MFSD6: variants seen among roughly 807,000 people sequenced by gnomAD.
The protein encoded by MFSD6 is major facilitator superfamily domain-containing protein 6.
In MFSD6, 26 loss-of-function variants were observed where a neutral mutation model predicts 56.3. The ratio of observed to expected loss-of-function variants is 0.46; its 90% CI spans 0.34 to 0.64. The LOEUF is 0.64. Among genes scored for constraint, MFSD6 ranks in the 30% least tolerant of loss-of-function variants. The pLI is 0.01. For synonymous variants in MFSD6, 331 were observed against 366.9 expected (o/e 0.90, Z 1.12); for missense variants, 750 against 986.2 (o/e 0.76, Z 3.21).
intron 2 of MFSD6, among the ~76,000 whole-genome samples, chr2:190,432,764 T>C (rs1575834888): frequency 6.6e-6 from 1 of 152,118 alleles, no homozygotes; most frequent in African/African-American, 2.4e-5. Context: ...TGCATTTGTT[T>C]GGGGTTTAGA....
chr2:190,444,631 A>G (rs1484748218), intron 3 of MFSD6, among the ~76,000 whole-genome samples: 2 of 152,190 alleles, frequency 1.3e-5, no homozygotes, highest in Non-Finnish European at 2.9e-5. Flanking sequence ...TTCATTTATT[A>G]TATAAAAACC....
chr2:190,496,997 A>G lies in MFSD6; in HGVS notation c.1892-442A>G, dbSNP rs1413468245. Reference sequence around the variant, plus strand: ...GGTGATGGTTGCACCAAAATCTCACAAATCACCATTAGAGAACTTACGTAA... The same window carrying G: ...GGTGATGGTTGCACCAAAATCTCACGAATCACCATTAGAGAACTTACGTAA... On this transcript the variant is annotated intron_variant, in intron 6 of 7. Coordinates refer to ENST00000392328, the MANE Select transcript of MFSD6 (RefSeq NM_017694.4). This position sits in a 1 kb window ranked among gnomAD's most constrained non-coding sequence, Gnocchi z 4.7. 6.6e-6 allele frequency among the ~76,000 whole-genome samples: 1 copy of G among 152,180 alleles called. No homozygotes were observed. The highest frequency in any genetic ancestry group is 2.4e-5 in the African/African-American group (1 of 41,436).
rs1282585315 is a variant in MFSD6, at chr2:190,424,821, C to T, written c.-54+9408C>T. Among the ~76,000 whole-genome samples the T allele has an allele frequency of 1.3e-5, 2 of 152,150 alleles. No individual in the cohort carries two copies. Among genetic ancestry groups the T allele is most frequent in the African/African-American group, 2.4e-5 (1 of 41,426 alleles). ...TGTCTGTCCTTCTGCTAATACCACA[C>T]GGTCTTAATGCACAGCTATATGATC... On this transcript the variant is annotated intron_variant, in intron 2 of 7. Transcript: ENST00000392328. The surrounding 1 kb of genome is among the most constrained non-coding windows in gnomAD (Gnocchi z 5.9).
At position 190,498,184 on chromosome 2, in the gene MFSD6, A is replaced by C. The variant is rs1180093823; in HGVS notation, c.2172+465A>C. 6.6e-6 allele frequency among the ~76,000 whole-genome samples: 1 copy of C among 152,204 alleles called. No individual in the cohort carries two copies. The highest frequency in any genetic ancestry group is 6.5e-5 in the Admixed American group (1 of 15,286). On this transcript the variant is annotated intron_variant, in intron 7 of 7. Transcript: ENST00000392328. The surrounding 1 kb of genome is among the most constrained non-coding windows in gnomAD (Gnocchi z 5.9). ...GGTTATGCAGGTGGCCTCACCTGAAAAATAAGTCTAAAAGTGTGATTTTTC... is the reference window on the plus strand; with the variant it reads ...GGTTATGCAGGTGGCCTCACCTGAACAATAAGTCTAAAAGTGTGATTTTTC...
intron 4 of MFSD6, among the ~76,000 whole-genome samples, chr2:190,484,051 A>G (rs1358666587): frequency 1.3e-5 from 2 of 152,140 alleles, no homozygotes; most frequent in African/African-American, 2.4e-5. Context: ...TATGTGGACT[A>G]CTTGGTCTCT....
intron 4 of MFSD6, among the ~76,000 whole-genome samples, chr2:190,475,712 T>G (rs1688263347): frequency 6.6e-6 from 1 of 152,166 alleles, no homozygotes; most frequent in Non-Finnish European, 1.5e-5. Context: ...AAAAAACTAC[T>G]TTAAAGTTCA....
chr2:190,474,606 G>C (rs1243995497), intron 4 of MFSD6, among the ~76,000 whole-genome samples: 2 of 152,176 alleles, frequency 1.3e-5, no homozygotes, highest in African/African-American at 4.8e-5. Context: ...TCCAGGACCA[G>C]ATGGATTCAC....
At chr2:190,482,868 CTTTTTTTTTTTTTTTTTTTTTTTTTTTTT>C (rs199927176) in intron 4 of MFSD6, among the ~76,000 whole-genome samples, 1 of 48,292 alleles carries the variant, frequency 2.1e-5, no homozygotes, top group Non-Finnish European at 3.8e-5. Context: ...AGACTATCAT[CTTTTTTTTTTTTTTTTTTTTTTTTTTTTT>C]TTTTTTAGAC....
rs565073799 is a variant in MFSD6, at chr2:190,459,482, G to A, written c.1533-10276G>A. ...TTTTAAACAAAATTGTAGGGGGTGT[G>A]TGTGTGAATATGTTCAGTCATTTGA... On this transcript the variant is annotated intron_variant, in intron 3 of 7. Transcript: ENST00000392328. The surrounding 1 kb of genome is among the most constrained non-coding windows in gnomAD (Gnocchi z 5.3). 1.3e-5 allele frequency among the ~76,000 whole-genome samples: 2 copies of A among 152,300 alleles called. No homozygotes were observed. The highest frequency in any genetic ancestry group is 6.5e-5 in the Admixed American group (1 of 15,300).
At position 190,497,387 on chromosome 2, in the gene MFSD6, C is replaced by A; in HGVS notation, c.1892-52C>A. ...TTATTTATTTATTTTTACCTTTGTTCAAATATGTAGAAAATGCTGAAAAAA... is the reference window on the plus strand; with the variant it reads ...TTATTTATTTATTTTTACCTTTGTTAAAATATGTAGAAAATGCTGAAAAAA... On this transcript the variant is annotated intron_variant, in intron 6 of 7. Coordinates refer to ENST00000392328, the MANE Select transcript of MFSD6 (RefSeq NM_017694.4). The surrounding 1 kb of genome is among the most constrained non-coding windows in gnomAD (Gnocchi z 5.2). 4 of 1,573,640 alleles carry A rather than the reference C, an allele frequency of 2.5e-6. No individual in the cohort carries two copies. The South Asian group carries it at 3.4e-5, about 13-fold the overall frequency.
chr2:190,502,092 A>T lies in MFSD6; in HGVS notation c.*1874A>T, dbSNP rs1391698844. ...ACCATTTTTAAATGTTTCTTAAATGATAAAGATGTGACCAAACAAAAGTCC... is the reference window on the plus strand; with the variant it reads ...ACCATTTTTAAATGTTTCTTAAATGTTAAAGATGTGACCAAACAAAAGTCC... On this transcript the variant is annotated 3_prime_UTR_variant, in exon 8 of 8. Transcript: ENST00000392328. The surrounding 1 kb of genome is among the most constrained non-coding windows in gnomAD (Gnocchi z 4.4). The T allele has an allele frequency of 6.6e-6, 1 of 152,624 alleles. No homozygotes were observed. The highest frequency in any genetic ancestry group is 1.5e-5 in the Non-Finnish European group (1 of 68,044). 9.5% of individuals were successfully genotyped at this position (152,624 alleles called of 1,614,324 possible).
At chr2:190,478,285 C>T (rs1386197878) in intron 4 of MFSD6, among the ~76,000 whole-genome samples, 1 of 152,126 alleles carries the variant, frequency 6.6e-6, no homozygotes, top group African/African-American at 2.4e-5. Flanking sequence ...CAACAGAGGG[C>T]TCTGTGGCCA....
rs200659694 is a variant in MFSD6 at position 190,436,486 on chromosome 2, A to G, written c.457A>G (p.Lys153Glu). ...ATTCAACCTGGGCATTGGATTTGTCAAACCTGCTACCTTGAGATGTGTACC... is the reference window on the plus strand; with the variant it reads ...ATTCAACCTGGGCATTGGATTTGTCGAACCTGCTACCTTGAGATGTGTACC... ...VLFNLGIGFV[K>E]PATLRCVPKI... Residue 153 changes from lysine (K) to glutamate (E), a missense_variant, in exon 3 of 8, where the codon AAA (lysine) becomes GAA (glutamate). Coordinates refer to ENST00000392328, the MANE Select transcript of MFSD6 (RefSeq NM_017694.4). The surrounding 1 kb of genome is among the most constrained non-coding windows in gnomAD (Gnocchi z 5.3). 6.2e-7 allele frequency: 1 copy of G among 1,614,088 alleles called. No homozygotes were observed. Among genetic ancestry groups the G allele is most frequent in the Non-Finnish European group, 8.5e-7 (1 of 1,180,058 alleles).
chr2:190,441,785 G>T (rs1381085406), intron 3 of MFSD6, among the ~76,000 whole-genome samples: 1 of 152,036 alleles, frequency 6.6e-6, no homozygotes, highest in African/African-American at 2.4e-5. Context: ...CACCCACTGT[G>T]GGTGGCCCTG....
intron 4 of MFSD6, among the ~76,000 whole-genome samples, chr2:190,476,413 C>G (rs558854020): frequency 1.1e-4 from 16 of 152,292 alleles, no homozygotes; most frequent in Admixed American, 5.9e-4. Flanking sequence ...AGACTCTTCT[C>G]AAAAGAAGAC....
chr2:190,446,568 T>C (rs747026582), intron 3 of MFSD6, among the ~76,000 whole-genome samples: 1 of 152,188 alleles, frequency 6.6e-6, no homozygotes, highest in African/African-American at 2.4e-5. Context: ...GGCAGTGTCA[T>C]GAAGTTTTTA....
chr2:190,492,840 C>A lies in MFSD6; in HGVS notation c.1891+2974C>A, dbSNP rs2125251211. ...AAGCCAGAACTACAAGAATTTGCCA[C>A]TCACCACCAAGCCAGCACTACAAGA... is the stretch of plus-strand genomic sequence containing the variant. On this transcript the variant is annotated intron_variant, in intron 6 of 7. Transcript: ENST00000392328. This position sits in a 1 kb window ranked among gnomAD's most constrained non-coding sequence, Gnocchi z 5.2. 6.6e-6 allele frequency among the ~76,000 whole-genome samples: 1 copy of A among 151,398 alleles called. No individual in the cohort carries two copies. The highest frequency in any genetic ancestry group is 6.6e-5 in the Admixed American group (1 of 15,208).
At position 190,431,850 on chromosome 2, in the gene MFSD6, G is replaced by T. The variant is rs1021753484; in HGVS notation, c.-53-4127G>T. On this transcript the variant is annotated intron_variant, in intron 2 of 7. Coordinates refer to ENST00000392328, the MANE Select transcript of MFSD6 (RefSeq NM_017694.4). This position sits in a 1 kb window ranked among gnomAD's most constrained non-coding sequence, Gnocchi z 4.4. ...TATGCTATAATACTTATAAATTCCA[G>T]AGCTTTTTATTCAAGTATTCCTTTT... Among the ~76,000 whole-genome samples, 1 of 152,090 alleles carries T rather than the reference G, an allele frequency of 6.6e-6. No homozygotes were observed. The highest frequency in any genetic ancestry group is 1.5e-5 in the Non-Finnish European group (1 of 68,012).
At position 190,415,812 on chromosome 2, in the gene MFSD6, C is replaced by G. The variant is rs1690750702; in HGVS notation, c.-54+399C>G. Among the ~76,000 whole-genome samples the G allele has an allele frequency of 6.6e-6, 1 of 152,132 alleles. No individual in the cohort carries two copies. The highest frequency in any genetic ancestry group is 1.5e-5 in the Non-Finnish European group (1 of 68,030). On this transcript the variant is annotated intron_variant, in intron 2 of 7. Coordinates refer to ENST00000392328, the MANE Select transcript of MFSD6 (RefSeq NM_017694.4). The surrounding 1 kb of genome is among the most constrained non-coding windows in gnomAD (Gnocchi z 4.5). ...GGGCTATAGGAAAATGTATTATAAA[C>G]CTTGAGATCTATATTCTGGTCTCAA...
Sources: gnomAD v4.1 joint callset for allele counts (sites outside exome capture counted in the v4.1 genomes callset) on GRCh38, gnomAD v4.1.1 for gene constraint, Gnocchi (gnomAD v3.1) non-coding constraint, MANE v1.5 for transcripts, NCBI Gene and HGNC (gene_info 2026-07-23, HGNC 2026-07-21) for gene names.